Variants in DENND1A observed in about 807,000 individuals in gnomAD.
The protein encoded by DENND1A is DENN domain containing 1A, also known as DENN domain-containing protein 1A.
DENND1A carries 51 observed loss-of-function variants against 113.7 expected under a neutral mutation model. That is an observed-to-expected ratio of 0.45 (90% CI 0.36 to 0.57). The LOEUF is 0.57. DENND1A is among the 20% of genes least tolerant of loss of function. The pLI is 0.00. For synonymous variants in DENND1A, 565 were observed against 570.8 expected, an observed-to-expected ratio of 0.99 and a Z score of 0.14; for missense variants, 1,258 against 1,395.9, an observed-to-expected ratio of 0.90 and a Z score of 1.57.
intron 18 of DENND1A, 136 bp downstream of exon 18, chr9:123,450,557 C>T (rs144443462): frequency 6.9e-5 from 42 of 605,764 alleles, no homozygotes; most frequent in African/African-American, 6.5e-4. Context: ...TGAAAACTCC[C>T]GGACAGCTGG....
In DENND1A at chr9:123,516,139, CACACACACACACACACA is replaced by C. The variant is rs1215708098; in HGVS notation, c.993+41414_993+41430del. 1.9e-3 allele frequency among the ~76,000 whole-genome samples: 284 copies of C among 147,084 alleles called. 3 individuals carry two copies. Among genetic ancestry groups the C allele is most frequent in the African/African-American group, 7.1e-3 (270 of 37,962 alleles). Reference sequence around the variant, plus strand: ...ACACACACACACACACACACACACACACACACACACACACACAAAGGTTGGGGGGAGAGTAGGGTAGA... The same window carrying C: ...ACACACACACACACACACACACACACAAGGTTGGGGGGAGAGTAGGGTAGA... On this transcript the variant is annotated intron_variant, in intron 13 of 23. Coordinates refer to ENST00000394215, the MANE Select transcript of DENND1A (RefSeq NM_001352964.2).
At chr9:123,481,645 G>A (rs1269233498) in intron 13 of DENND1A, among the ~76,000 whole-genome samples, 1 of 152,198 alleles carries the variant, frequency 6.6e-6, no homozygotes, top group Non-Finnish European at 1.5e-5. Flanking sequence ...CATTGCCCCT[G>A]CTATTTACAG....
chr9:123,761,956 A>T (rs2071079449), intron 4 of DENND1A, among the ~76,000 whole-genome samples: 1 of 152,194 alleles, frequency 6.6e-6, no homozygotes, highest in Admixed American at 6.5e-5. Flanking sequence ...TTTCAGGATG[A>T]TGGAAGCTAG....
intron 13 of DENND1A, among the ~76,000 whole-genome samples, chr9:123,528,234 C>T (rs1359783265): frequency 1.3e-5 from 2 of 152,202 alleles, no homozygotes; most frequent in African/African-American, 2.4e-5. Flanking sequence ...ATTAGAGGAA[C>T]TAAGTTTTGA....
intron 3 of DENND1A, among the ~76,000 whole-genome samples, chr9:123,790,623 T>C (rs1181720871): frequency 6.6e-6 from 1 of 152,158 alleles, no homozygotes; most frequent in Non-Finnish European, 1.5e-5. Flanking sequence ...ATTCTAATAA[T>C]TCCAACTTCA....
At chr9:123,500,960 C>CATAAAATTTA in intron 13 of DENND1A, among the ~76,000 whole-genome samples, 1 of 152,250 alleles carries the variant, frequency 6.6e-6, no homozygotes, top group East Asian at 1.9e-4. Context: ...AAATTTACTG[C>CATAAAATTTA]CGATTATTTT....
intron 17 of DENND1A, 72 bp from the exon 18 acceptor site, chr9:123,450,821 A>T (rs764740387): frequency 1.1e-5 from 14 of 1,264,288 alleles, no homozygotes; most frequent in Non-Finnish European, 1.6e-5. Context: ...ATTTCAGTCC[A>T]TCGAGAATCA....
At chr9:123,734,539 G>C (rs138737453) in intron 5 of DENND1A, among the ~76,000 whole-genome samples, 26 of 152,164 alleles carry the variant, frequency 1.7e-4, no homozygotes, top group African/African-American at 6.0e-4. Flanking sequence ...AGTCAAATAA[G>C]GCACCAAGTT....
intron 1 of DENND1A, among the ~76,000 whole-genome samples, chr9:123,898,824 T>C (rs1406516145): frequency 6.6e-6 from 1 of 152,234 alleles, no homozygotes; most frequent in Non-Finnish European, 1.5e-5. Flanking sequence ...GACAGCACCT[T>C]ATCATTAGAT....
At chr9:123,845,204 A>G (rs1842409273) in intron 2 of DENND1A, among the ~76,000 whole-genome samples, 1 of 152,024 alleles carries the variant, frequency 6.6e-6, no homozygotes, top group South Asian at 2.1e-4. Flanking sequence ...TGGGCAAGAG[A>G]GCAAGGCTGT....
chr9:123,787,024 G>T (rs995242613), intron 3 of DENND1A, among the ~76,000 whole-genome samples: 3 of 151,944 alleles, frequency 2.0e-5, no homozygotes, highest in African/African-American at 7.3e-5. Flanking sequence ...AGGCCCCAAG[G>T]ACCACAAACC....
At chr9:123,503,793 C>T (rs1472614617) in intron 13 of DENND1A, among the ~76,000 whole-genome samples, 1 of 152,186 alleles carries the variant, frequency 6.6e-6, no homozygotes, top group African/African-American at 2.4e-5. Context: ...ATCTCCCCAT[C>T]ACCAACAGGT....
At chr9:123,571,846 G>C (rs1045962171) in intron 12 of DENND1A, among the ~76,000 whole-genome samples, 3 of 152,132 alleles carry the variant, frequency 2.0e-5, no homozygotes, top group Non-Finnish European at 2.9e-5. Context: ...TATGGTAGGC[G>C]TAAGTTTAAC....
At chr9:123,557,430 C>T in intron 13 of DENND1A, 140 bp downstream of exon 13, 1 of 1,285,522 alleles carries the variant, frequency 7.8e-7, no homozygotes, top group Non-Finnish European at 1.1e-6. Context: ...GGGGAGTACA[C>T]TGTCCCCCAC....
chr9:123,649,043 G>A (rs917421515), intron 9 of DENND1A, among the ~76,000 whole-genome samples: 1 of 152,124 alleles, frequency 6.6e-6, no homozygotes, highest in African/African-American at 2.4e-5. Flanking sequence ...GCAAGCTTCC[G>A]CAACCCATTC....
intron 10 of DENND1A, among the ~76,000 whole-genome samples, chr9:123,612,675 C>T (rs1301432886): frequency 6.6e-6 from 1 of 152,198 alleles, no homozygotes; most frequent in Non-Finnish European, 1.5e-5. Context: ...CATTAAGTTG[C>T]TTCCAATTTT....
intron 2 of DENND1A, among the ~76,000 whole-genome samples, chr9:123,869,785 G>C (rs998451429): frequency 6.6e-6 from 1 of 151,766 alleles, no homozygotes; most frequent in Non-Finnish European, 1.5e-5. Flanking sequence ...AGGATCTCTT[G>C]AGCCCAGGAG....
intron 5 of DENND1A, among the ~76,000 whole-genome samples, chr9:123,685,843 T>C (rs761004826): frequency 6.6e-6 from 1 of 152,202 alleles, no homozygotes; most frequent in Non-Finnish European, 1.5e-5. Flanking sequence ...TGCCTACTCC[T>C]GTATTCACAC....
At chr9:123,383,546 G>A in intron 23 of DENND1A, 109 bp downstream of exon 23, 1 of 1,497,324 alleles carries the variant, frequency 6.7e-7, no homozygotes, top group Non-Finnish European at 8.9e-7. Context: ...TGAGGGTCTT[G>A]GAAAGTCACT....
Sources: allele counts gnomAD v4.1 joint callset (sites outside exome capture counted in the v4.1 genomes callset), GRCh38; gene constraint gnomAD v4.1.1; transcripts MANE v1.5; gene names NCBI Gene and HGNC (gene_info 2026-07-23, HGNC 2026-07-21).